KNTC1: variants seen among roughly 807,000 people sequenced by gnomAD.
KNTC1 encodes the protein kinetochore-associated protein 1.
Under a neutral mutation model 314.4 loss-of-function variants are expected in KNTC1, and 253 were observed. The ratio of observed to expected loss-of-function variants is 0.80; its 90% CI spans 0.73 to 0.89. KNTC1 has a LOEUF of 0.89. Among genes scored for constraint, KNTC1 ranks in the 40% least tolerant of loss-of-function variants. KNTC1 has a pLI of 0.00. For missense variants in KNTC1, 2,475 were observed against 2,572.9 expected, an observed-to-expected ratio of 0.96 and a Z score of 0.82; for synonymous variants, 901 against 901.4, an observed-to-expected ratio of 1.00 and a Z score of 0.01.
chr12:122,532,728 G>T (rs953430369), intron 2 of KNTC1, among the ~76,000 whole-genome samples: 2 of 152,138 alleles, frequency 1.3e-5, no homozygotes, highest in South Asian at 4.1e-4. Context: ...GACATAAGAT[G>T]GCATCTTATT....
intron 45 of KNTC1, among the ~76,000 whole-genome samples, chr12:122,602,222 G>A (rs182935257): frequency 3.9e-5 from 6 of 152,054 alleles, no homozygotes; most frequent in Admixed American, 6.5e-5. Context: ...AGATAAGAGC[G>A]TAGAGAATTT....
rs548835839 is a variant in KNTC1, at chr12:122,597,779, G to A, written c.4404G>A (p.Thr1468=). Residue 1468 remains threonine, a synonymous_variant, in exon 44 of 64, where the codon ACG becomes ACA. Transcript: ENST00000333479. ...CDAVLQLFIE[T]LLHNTNAGQG... is the part of the protein sequence containing the mutation. ...CAGTTCTTCAGCTCTTCATTGAAAC[G>A]CTGCTCCACAACACAAATGCCGGCC... The A allele has an allele frequency of 5.5e-5, 88 of 1,613,930 alleles. No homozygotes were observed. The Admixed American group carries it at 1.3e-3, about 23-fold the overall frequency.
At chr12:122,626,167 G>A (rs1875029265) in intron 63 of KNTC1, 38 bp from the exon 64 acceptor site, 1 of 1,461,908 alleles carries the variant, frequency 6.8e-7, no homozygotes, top group Admixed American at 1.9e-5. Context: ...AAAACTAAGT[G>A]ACTTATAAAA....
At chr12:122,597,706 GGT>G in intron 43 of KNTC1, 23 bp from the exon 44 acceptor site, 1 of 1,596,040 alleles carries the variant, frequency 6.3e-7, no homozygotes, top group African/African-American at 1.3e-5. Context: ...TTGGGAGACT[GGT>G]GTGTATTGAA....
chr12:122,625,814 A>T (rs902129607), intron 63 of KNTC1, among the ~76,000 whole-genome samples: 5 of 152,050 alleles, frequency 3.3e-5, no homozygotes, highest in African/African-American at 9.7e-5. Context: ...ATATTTTGGT[A>T]GCTTTATTTT....
chr12:122,544,402 T>TA, intron 8 of KNTC1, 133 bp downstream of exon 8: 1 of 534,846 alleles, frequency 1.9e-6, no homozygotes, highest in South Asian at 2.5e-5. Flanking sequence ...TTAAGGTAAT[T>TA]AAAAATAACT....
intron 21 of KNTC1, among the ~76,000 whole-genome samples, chr12:122,568,960 C>T (rs1964513881): frequency 6.6e-6 from 1 of 152,100 alleles, no homozygotes; most frequent in South Asian, 2.1e-4. Flanking sequence ...AATCTAGCTT[C>T]TTGGGAGCTA....
At chr12:122,617,269 C>T (rs1391889605) in intron 57 of KNTC1, 2 of 303,448 alleles carry the variant, frequency 6.6e-6, no homozygotes, top group Non-Finnish European at 1.3e-5. Flanking sequence ...TATGTTTAGC[C>T]TTTTGAGGTA....
At chr12:122,576,864 A>G in intron 29 of KNTC1, 31 bp from the exon 30 acceptor site, 1 of 1,508,340 alleles carries the variant, frequency 6.6e-7, no homozygotes, top group Non-Finnish European at 8.9e-7. Context: ...TGAGTTCTAT[A>G]ACAAAGAAAT....
chr12:122,604,452 T>G (rs779428949), intron 48 of KNTC1, 112 bp from the exon 49 acceptor site: 6 of 554,966 alleles, frequency 1.1e-5, no homozygotes, highest in Non-Finnish European at 1.5e-5. Flanking sequence ...CAGCCATGAG[T>G]ATGCATTTTT....
chr12:122,571,865 A>T (rs1415055222), intron 24 of KNTC1, among the ~76,000 whole-genome samples: 1 of 151,234 alleles, frequency 6.6e-6, no homozygotes, highest in Non-Finnish European at 1.5e-5. Flanking sequence ...TAGAGACGGG[A>T]TTTCACCATG....
intron 3 of KNTC1, among the ~76,000 whole-genome samples, chr12:122,535,256 G>A (rs945143358): frequency 3.2e-4 from 49 of 152,204 alleles, no homozygotes; most frequent in African/African-American, 1.0e-3. Flanking sequence ...GGGCGTGGTG[G>A]CTCATGCCTG....
intron 27 of KNTC1, 119 bp downstream of exon 27, chr12:122,574,499 C>T (rs553191226): frequency 4.3e-5 from 27 of 625,948 alleles, no homozygotes; most frequent in African/African-American, 1.7e-4. Context: ...CTGGCTGTGT[C>T]GCCCAGGCTG....
chr12:122,552,396 C>T (rs1485837749), intron 16 of KNTC1, among the ~76,000 whole-genome samples: 1 of 152,158 alleles, frequency 6.6e-6, no homozygotes, highest in East Asian at 1.9e-4. Context: ...GAAGTAGGGG[C>T]CTCTGTCACC....
intron 20 of KNTC1, among the ~76,000 whole-genome samples, chr12:122,563,393 G>A (rs1316653839): frequency 6.6e-6 from 1 of 152,126 alleles, no homozygotes; most frequent in Non-Finnish European, 1.5e-5. Flanking sequence ...TATTGGTTCT[G>A]TAGCTGACAT....
chr12:122,561,205 C>T (rs1424904744), intron 18 of KNTC1, among the ~76,000 whole-genome samples: 1 of 151,730 alleles, frequency 6.6e-6, no homozygotes, highest in Admixed American at 6.6e-5. Flanking sequence ...ATCCCAGCTA[C>T]TTGGAAGGCT....
At chr12:122,596,315 T>C (rs1238682176) in intron 43 of KNTC1, among the ~76,000 whole-genome samples, 1 of 151,952 alleles carries the variant, frequency 6.6e-6, no homozygotes, top group Non-Finnish European at 1.5e-5. Context: ...ACTCCTGAGC[T>C]CAGGCAATCC....
At chr12:122,576,866 C>T (rs768923917) in intron 29 of KNTC1, 29 bp from the exon 30 acceptor site, 5 of 1,509,760 alleles carry the variant, frequency 3.3e-6, no homozygotes, top group Non-Finnish European at 4.4e-6. Flanking sequence ...AGTTCTATAA[C>T]AAAGAAATGT....
chr12:122,559,145 G>C (rs1340133462), intron 18 of KNTC1, among the ~76,000 whole-genome samples: 1 of 152,042 alleles, frequency 6.6e-6, no homozygotes, highest in African/African-American at 2.4e-5. Context: ...TCAGGAGATC[G>C]AGACCATTGT....
Sources: allele counts gnomAD v4.1 joint callset (sites outside exome capture counted in the v4.1 genomes callset), GRCh38; gene constraint gnomAD v4.1.1; transcripts MANE v1.5; gene names NCBI Gene and HGNC (gene_info 2026-07-23, HGNC 2026-07-21).